Variants in MAGI2 observed in about 807,000 individuals in gnomAD.
MAGI2 encodes membrane-associated guanylate kinase, WW and PDZ domain-containing protein 2.
A neutral mutation model predicts 133.3 loss-of-function variants in MAGI2; 35 were observed. That is an observed-to-expected ratio of 0.26 (90% CI 0.20 to 0.35). The LOEUF (loss-of-function observed/expected upper bound fraction) is 0.35. MAGI2 is among the 10% of genes least tolerant of loss of function. The probability of loss-of-function intolerance (pLI) is 1.00; values close to 1 mark genes in which losing one functional copy is unlikely to be tolerated. For missense variants in MAGI2, 1,636 were observed against 1,863.4 expected (o/e 0.88, Z 2.25); for synonymous variants, 729 against 710.6 (o/e 1.03, Z -0.41).
intron 2 of MAGI2, among the ~76,000 whole-genome samples, chr7:78,737,167 C>A (rs957832338): frequency 1.3e-5 from 2 of 152,166 alleles, no homozygotes; most frequent in African/African-American, 4.8e-5. Context: ...TTTGGGGAAA[C>A]TTTTATCTGC....
intron 1 of MAGI2, among the ~76,000 whole-genome samples, chr7:79,298,070 T>C (rs956663040): frequency 2.6e-5 from 4 of 152,178 alleles, no homozygotes; most frequent in Non-Finnish European, 2.9e-5. Context: ...AAAATTAAAG[T>C]TGAATATAAG....
At position 79,097,738 on chromosome 7, in the gene MAGI2, A is replaced by C. The variant is rs370441192; in HGVS notation, c.302-90532T>G. ...AGTTGCAGGGATGCCTAAAATCCACACTATGATGTATTATGTTTTCCAGGT... is the reference window on the plus strand; with the variant it reads ...AGTTGCAGGGATGCCTAAAATCCACCCTATGATGTATTATGTTTTCCAGGT... On this transcript the variant is annotated intron_variant, in intron 1 of 21. Transcript: ENST00000354212. Among the ~76,000 whole-genome samples the C allele has an allele frequency of 1.4e-4, 21 of 152,326 alleles. 4 individuals carry two copies. The highest frequency in any genetic ancestry group is 2.0e-4 in the Admixed American group (3 of 15,288).
chr7:78,689,548 G>A (rs1043274583), intron 2 of MAGI2, among the ~76,000 whole-genome samples: 16 of 151,918 alleles, frequency 1.1e-4, no homozygotes, highest in African/African-American at 2.7e-4. Context: ...ATACTCCTTC[G>A]CAGTTTTCTC....
At chr7:78,372,241 ACTT>A (rs1179583303) in intron 6 of MAGI2, among the ~76,000 whole-genome samples, 1 of 152,026 alleles carries the variant, frequency 6.6e-6, no homozygotes, top group Non-Finnish European at 1.5e-5. Context: ...CATCAAAAAA[ACTT>A]CTTAACATTA....
intron 1 of MAGI2, among the ~76,000 whole-genome samples, chr7:79,316,464 C>T (rs1158459930): frequency 1.3e-5 from 2 of 152,136 alleles, no homozygotes; most frequent in African/African-American, 4.8e-5. Flanking sequence ...CATATATGTG[C>T]ACATGTATAT....
chr7:78,747,005 T>C (rs1460778625), intron 2 of MAGI2, among the ~76,000 whole-genome samples: 1 of 152,128 alleles, frequency 6.6e-6, no homozygotes, highest in Non-Finnish European at 1.5e-5. Context: ...GACCTTCAAA[T>C]TGTCAAAAAG....
chr7:78,398,398 A>G (rs1430594286), intron 6 of MAGI2, among the ~76,000 whole-genome samples: 1 of 152,054 alleles, frequency 6.6e-6, no homozygotes, highest in Admixed American at 6.6e-5. Context: ...CTTGCTAACT[A>G]CGAGTCTACC....
intron 1 of MAGI2, among the ~76,000 whole-genome samples, chr7:79,242,445 TATTA>T (rs1174689593): frequency 1.7e-4 from 26 of 152,236 alleles, no homozygotes; most frequent in Non-Finnish European, 1.5e-5. Flanking sequence ...TTAGTGAGAA[TATTA>T]ATTATCACCT....
intron 3 of MAGI2, among the ~76,000 whole-genome samples, chr7:78,533,814 A>G (rs1299224970): frequency 2.0e-5 from 3 of 152,232 alleles, no homozygotes; most frequent in Non-Finnish European, 4.4e-5. Flanking sequence ...ACTACTAGTA[A>G]GTAATGATAT....
chr7:79,121,963 C>T (rs1185665044), intron 1 of MAGI2, among the ~76,000 whole-genome samples: 2 of 152,098 alleles, frequency 1.3e-5, no homozygotes, highest in African/African-American at 4.8e-5. Context: ...CTCTTTCATA[C>T]TTTCAAAAGT....
At chr7:78,456,185 T>C (rs140734364) in intron 6 of MAGI2, among the ~76,000 whole-genome samples, 9 of 152,174 alleles carry the variant, frequency 5.9e-5, no homozygotes, top group Middle Eastern at 6.8e-3. Flanking sequence ...ATTAGAGTAG[T>C]GGTGAATTTC....
intron 6 of MAGI2, among the ~76,000 whole-genome samples, chr7:78,392,042 C>G (rs965206487): frequency 6.6e-6 from 1 of 152,022 alleles, no homozygotes; most frequent in Non-Finnish European, 1.5e-5. Flanking sequence ...ACAGACACAT[C>G]GTTTCGACTC....
chr7:79,108,557 C>T (rs1033284690), intron 1 of MAGI2, among the ~76,000 whole-genome samples: 1 of 152,206 alleles, frequency 6.6e-6, no homozygotes, highest in Non-Finnish European at 1.5e-5. Context: ...CATACTATCA[C>T]TATGAATGTT....
intron 2 of MAGI2, among the ~76,000 whole-genome samples, chr7:78,840,120 A>G (rs1215324346): frequency 1.3e-5 from 2 of 152,034 alleles, no homozygotes; most frequent in African/African-American, 4.8e-5. Flanking sequence ...CTTATAGCAT[A>G]AAGTATACAT....
At chr7:78,926,554 C>G (rs1344722667) in intron 2 of MAGI2, among the ~76,000 whole-genome samples, 1 of 151,902 alleles carries the variant, frequency 6.6e-6, no homozygotes, top group African/African-American at 2.4e-5. Context: ...CTTCAAGATT[C>G]CAAATGCCCT....
At chr7:79,334,155 A>G (rs892890475) in intron 1 of MAGI2, among the ~76,000 whole-genome samples, 2 of 152,130 alleles carry the variant, frequency 1.3e-5, no homozygotes, top group African/African-American at 4.8e-5. Context: ...CCAGATTCAC[A>G]TTCTATTTCT....
chr7:78,793,617 A>T (rs146633564), intron 2 of MAGI2, among the ~76,000 whole-genome samples: 1 of 152,238 alleles, frequency 6.6e-6, no homozygotes, highest in African/African-American at 2.4e-5. Flanking sequence ...AGGAGAAAAA[A>T]TGTGATCTTC....
chr7:79,167,397 C>CAAAAAAAAAAAA (rs10542271), intron 1 of MAGI2, among the ~76,000 whole-genome samples: 3 of 84,730 alleles, frequency 3.5e-5, no homozygotes, highest in Non-Finnish European at 7.3e-5. Context: ...CCAAAAATGG[C>CAAAAAAAAAAAA]AAAAAAAAAA....
intron 1 of MAGI2, among the ~76,000 whole-genome samples, chr7:79,043,209 A>G (rs981885544): frequency 1.2e-4 from 18 of 151,528 alleles, no homozygotes; most frequent in African/African-American, 4.4e-4. Flanking sequence ...CAAAGCAAGC[A>G]GAAAAAAAGA....
Sources: gnomAD v4.1 joint callset for allele counts (sites outside exome capture counted in the v4.1 genomes callset) on GRCh38, gnomAD v4.1.1 for gene constraint, MANE v1.5 for transcripts, NCBI Gene and HGNC (gene_info 2026-07-23, HGNC 2026-07-21) for gene names.